TEAD1: variants seen among roughly 807,000 people sequenced by gnomAD.
TEAD1 encodes TEA domain transcription factor 1.
Under a neutral mutation model 54.9 loss-of-function variants are expected in TEAD1, and 9 were observed. That is an observed-to-expected ratio of 0.16 (90% CI 0.10 to 0.29). The LOEUF (loss-of-function observed/expected upper bound fraction) is 0.29, where lower values mean the gene tolerates loss of function less well. Among genes scored for constraint, TEAD1 ranks in the 10% least tolerant of loss-of-function variants. The pLI is 1.00. For synonymous variants in TEAD1, 200 were observed against 187.8 expected, an observed-to-expected ratio of 1.07 and a Z score of -0.53; for missense variants, 387 against 535.9, an observed-to-expected ratio of 0.72 and a Z score of 2.74.
At chr11:12,689,718 G>A (rs1476405039) in intron 2 of TEAD1, among the ~76,000 whole-genome samples, 1 of 151,926 alleles carries the variant, frequency 6.6e-6, no homozygotes, top group Admixed American at 6.6e-5. Flanking sequence ...GGAAAGTTTA[G>A]TACAGTAGAG....
At chr11:12,695,799 C>T (rs1273644453) in intron 2 of TEAD1, among the ~76,000 whole-genome samples, 1 of 152,142 alleles carries the variant, frequency 6.6e-6, no homozygotes, top group East Asian at 1.9e-4. Flanking sequence ...ATTTTCTGAG[C>T]CTGCCCCAGA....
intron 3 of TEAD1, among the ~76,000 whole-genome samples, chr11:12,797,838 C>A (rs1192377328): frequency 6.6e-6 from 1 of 152,016 alleles, no homozygotes; most frequent in Non-Finnish European, 1.5e-5. Flanking sequence ...TTCAAAGCCC[C>A]TTGTCTTTGA....
At chr11:12,704,944 G>A (rs535376115) in intron 2 of TEAD1, among the ~76,000 whole-genome samples, 8 of 152,310 alleles carry the variant, frequency 5.3e-5, no homozygotes, top group East Asian at 1.9e-4. Flanking sequence ...AACATACACC[G>A]TGTGTATGCC....
At chr11:12,797,255 C>T (rs1193523176) in intron 3 of TEAD1, among the ~76,000 whole-genome samples, 1 of 150,222 alleles carries the variant, frequency 6.7e-6, no homozygotes, top group Non-Finnish European at 1.5e-5. Flanking sequence ...GACCATCTTG[C>T]CCTACTGTTC....
At chr11:12,714,338 C>T (rs1173432617) in intron 2 of TEAD1, among the ~76,000 whole-genome samples, 2 of 152,188 alleles carry the variant, frequency 1.3e-5, no homozygotes, top group Admixed American at 1.3e-4. Context: ...CCCAGCAGCT[C>T]TGGGCCATTT....
chr11:12,751,416 A>G (rs1944867871), intron 2 of TEAD1, among the ~76,000 whole-genome samples: 1 of 152,204 alleles, frequency 6.6e-6, no homozygotes, highest in East Asian at 1.9e-4. Context: ...GTTCATTTGT[A>G]CTGGCTGGCA....
At chr11:12,685,231 A>G (rs980817204) in intron 2 of TEAD1, among the ~76,000 whole-genome samples, 1 of 152,162 alleles carries the variant, frequency 6.6e-6, no homozygotes, top group Non-Finnish European at 1.5e-5. Flanking sequence ...CCAGTTCTTT[A>G]AAAAAATTAA....
chr11:12,730,461 G>T (rs1036997436), intron 2 of TEAD1, among the ~76,000 whole-genome samples: 1 of 110,738 alleles, frequency 9.0e-6, no homozygotes. Context: ...TATTCCATTT[G>T]GCTCCAGTTT....
chr11:12,871,822 G>A (rs971849020), intron 5 of TEAD1, among the ~76,000 whole-genome samples: 2 of 152,050 alleles, frequency 1.3e-5, no homozygotes, highest in African/African-American at 2.4e-5. Flanking sequence ...CCCTCCGCTC[G>A]GCAGGAATAC....
At chr11:12,728,132 T>C (rs1944350039) in intron 2 of TEAD1, among the ~76,000 whole-genome samples, 1 of 152,108 alleles carries the variant, frequency 6.6e-6, no homozygotes, top group African/African-American at 2.4e-5. Context: ...GCCTGAGGAC[T>C]GTGGGAGACC....
intron 2 of TEAD1, among the ~76,000 whole-genome samples, chr11:12,677,340 T>C (rs1943117433): frequency 6.6e-6 from 1 of 152,032 alleles, no homozygotes; most frequent in Admixed American, 6.5e-5. Context: ...AGCAAACTAA[T>C]TACACATAAG....
At chr11:12,831,677 G>T (rs1464182713) in intron 3 of TEAD1, among the ~76,000 whole-genome samples, 1 of 151,848 alleles carries the variant, frequency 6.6e-6, no homozygotes, top group Admixed American at 6.6e-5. Flanking sequence ...TACTCAGGAG[G>T]CTGAGGTGGG....
At chr11:12,767,415 G>A (rs955821606) in intron 3 of TEAD1, among the ~76,000 whole-genome samples, 13 of 152,136 alleles carry the variant, frequency 8.5e-5, no homozygotes, top group East Asian at 1.9e-4. Context: ...GTGAAATACC[G>A]AGTGTTTTTT....
chr11:12,872,680 C>T (rs1453535726), intron 5 of TEAD1, among the ~76,000 whole-genome samples: 1 of 152,158 alleles, frequency 6.6e-6, no homozygotes, highest in Non-Finnish European at 1.5e-5. Flanking sequence ...GAAACAGTCT[C>T]ATCATTCTAC....
intron 6 of TEAD1, 105 bp downstream of exon 6, chr11:12,879,947 G>A: frequency 6.5e-7 from 1 of 1,546,944 alleles, no homozygotes; most frequent in Non-Finnish European, 8.8e-7. Flanking sequence ...GGTCAGGTAT[G>A]TGAGAGGGCA....
chr11:12,786,531 T>G (rs1412186226), intron 3 of TEAD1, among the ~76,000 whole-genome samples: 2 of 152,238 alleles, frequency 1.3e-5, no homozygotes, highest in African/African-American at 4.8e-5. Context: ...TTTTTTAGTA[T>G]GAGTATATCC....
chr11:12,787,216 A>G (rs918952491), intron 3 of TEAD1, among the ~76,000 whole-genome samples: 1 of 152,226 alleles, frequency 6.6e-6, no homozygotes, highest in Non-Finnish European at 1.5e-5. Flanking sequence ...CCTGCATGCC[A>G]TTTGGAATAA....
At chr11:12,752,565 G>A (rs958807099) in intron 2 of TEAD1, among the ~76,000 whole-genome samples, 13 of 152,076 alleles carry the variant, frequency 8.5e-5, no homozygotes, top group Admixed American at 5.2e-4. Flanking sequence ...TCAATATTGC[G>A]TTGGTACAAT....
intron 9 of TEAD1, among the ~76,000 whole-genome samples, chr11:12,885,483 C>T (rs913594705): frequency 7.9e-5 from 12 of 151,960 alleles, no homozygotes; most frequent in Admixed American, 2.0e-4. Context: ...GTGATCTGCC[C>T]GCCTAGGCCT....
Sources: allele counts gnomAD v4.1 joint callset (sites outside exome capture counted in the v4.1 genomes callset), GRCh38; gene constraint gnomAD v4.1.1; transcripts MANE v1.5; gene names NCBI Gene and HGNC (gene_info 2026-07-23, HGNC 2026-07-21).